The following SPNS3 variants were observed in gnomAD, a reference collection of about 807,000 sequenced individuals.
SPNS3 encodes the protein protein spinster homolog 3.
In SPNS3, 51 loss-of-function variants were observed where a neutral mutation model predicts 54.4. The ratio of observed to expected loss-of-function variants is 0.94; its 90% CI spans 0.75 to 1.18. SPNS3 has a LOEUF of 1.18. SPNS3 is among the 50% of genes most tolerant of loss of function. The pLI, the probability that SPNS3 is intolerant of heterozygous loss-of-function variation, is 0.00. For synonymous variants in SPNS3, 309 were observed against 294.7 expected (o/e 1.05, Z -0.50); for missense variants, 669 against 677.4 (o/e 0.99, Z 0.14).
chr17:4,461,535 T>C (rs1971507293), intron 8 of SPNS3, among the ~76,000 whole-genome samples: 1 of 151,860 alleles, frequency 6.6e-6, no homozygotes, highest in Non-Finnish European at 1.5e-5. Flanking sequence ...GCTACTCTGT[T>C]GAGAATAGAC....
chr17:4,436,962 G>A (rs1046749726), intron 1 of SPNS3, among the ~76,000 whole-genome samples: 4 of 152,238 alleles, frequency 2.6e-5, no homozygotes, highest in Non-Finnish European at 2.9e-5. Flanking sequence ...TCTGCCGCTA[G>A]CCCTGGAGGT....
At chr17:4,480,517 C>G (rs1972122878) in intron 9 of SPNS3, among the ~76,000 whole-genome samples, 1 of 152,256 alleles carries the variant, frequency 6.6e-6, no homozygotes, top group African/African-American at 2.4e-5. Context: ...TGGCCTGCCC[C>G]CCACGGCGCA....
At chr17:4,466,461 G>T (rs1971678404) in intron 8 of SPNS3, among the ~76,000 whole-genome samples, 2 of 147,928 alleles carry the variant, frequency 1.4e-5, no homozygotes, top group Admixed American at 1.4e-4. Flanking sequence ...AATCGCTTGA[G>T]CCCAGGAGGC....
At chr17:4,446,462 T>C in intron 4 of SPNS3, 1 of 493,922 alleles carries the variant, frequency 2.0e-6, no homozygotes. Context: ...CACTCGGCAG[T>C]GTGGCCCACC....
intron 8 of SPNS3, among the ~76,000 whole-genome samples, chr17:4,458,563 T>C (rs1971387800): frequency 9.4e-6 from 1 of 105,898 alleles, no homozygotes; most frequent in Non-Finnish European, 2.2e-5. Flanking sequence ...CTTTCTTCCT[T>C]CCCTCCTTTC....
intron 4 of SPNS3, 56 bp from the exon 5 acceptor site, chr17:4,446,840 G>T: frequency 3.2e-6 from 5 of 1,549,932 alleles, no homozygotes; most frequent in African/African-American, 1.4e-5. Flanking sequence ...TGGTGGTGGG[G>T]TCTGCCTTCC....
At chr17:4,438,253 C>T (rs1380182375) in intron 1 of SPNS3, among the ~76,000 whole-genome samples, 2 of 152,210 alleles carry the variant, frequency 1.3e-5, no homozygotes, top group Non-Finnish European at 2.9e-5. Context: ...GGACAGGCTG[C>T]CTCTGGCTGA....
chr17:4,487,844 G>A lies in SPNS3; in HGVS notation c.1489G>A (p.Glu497Lys), dbSNP rs1242781689. The A allele has an allele frequency of 6.2e-7, 1 of 1,614,046 alleles. No individual in the cohort carries two copies. The highest frequency in any genetic ancestry group is 1.3e-5 in the African/African-American group (1 of 74,958). Residue 497 changes from glutamate (E) to lysine (K), a missense_variant, in exon 12 of 12, where the codon GAG becomes AAG. By Grantham distance (56) the Glu-to-Lys change is moderately conservative (BLOSUM62 1). Transcript: ENST00000355530. ...DSNDVDSNDL[E>K]RQGLLSGAGA... ...CAATGATGTGGACAGCAACGACCTG[G>A]AGAGACAAGGCCTACTTTCGGGCGC...
chr17:4,473,899 T>C (rs1324744873), intron 8 of SPNS3, among the ~76,000 whole-genome samples: 2 of 152,038 alleles, frequency 1.3e-5, no homozygotes, highest in South Asian at 2.1e-4. Flanking sequence ...ACCTGGGCTA[T>C]GTGAGCTCCC....
intron 2 of SPNS3, among the ~76,000 whole-genome samples, chr17:4,441,603 CT>C (rs2144001189): frequency 6.6e-6 from 1 of 151,548 alleles, no homozygotes. Context: ...TTTTTTTTTC[CT>C]TTTTTTCTTG....
At chr17:4,472,898 C>T (rs73323839) in intron 8 of SPNS3, among the ~76,000 whole-genome samples, 2 of 148,948 alleles carry the variant, frequency 1.3e-5, no homozygotes, top group African/African-American at 5.0e-5. Flanking sequence ...AAGGGATCCT[C>T]CCCCTTCAGC....
chr17:4,457,290 G>A (rs1412454666), intron 8 of SPNS3, among the ~76,000 whole-genome samples: 1 of 152,210 alleles, frequency 6.6e-6, no homozygotes, highest in Non-Finnish European at 1.5e-5. Context: ...TACTGGGGAG[G>A]CTGAGGCTGG....
chr17:4,475,632 C>A (rs765324023), intron 8 of SPNS3, among the ~76,000 whole-genome samples: 23 of 152,126 alleles, frequency 1.5e-4, no homozygotes, highest in Non-Finnish European at 2.2e-4. Flanking sequence ...CTGGCTGGCT[C>A]AGCCACACTG....
In SPNS3 at chr17:4,445,066, G is replaced by A. The variant is rs1445328533; in HGVS notation, c.300G>A (p.Val100=). Residue 100 remains valine (V), a synonymous_variant, in exon 3 of 12, where the codon GTG becomes GTA. Transcript: ENST00000355530. ...FVSCLLLSAP[V]FGYLGDRHSR... ...GCTGCCTGCTGCTGTCTGCACCTGT[G>A]TTTGGCTACCTGGGCGACCGACATA... is the stretch of plus-strand genomic sequence containing the variant. 1.2e-6 allele frequency: 2 copies of A among 1,614,152 alleles called. No individual in the cohort carries two copies. Among genetic ancestry groups the A allele is most frequent in the Admixed American group, 1.7e-5 (1 of 60,014 alleles).
At chr17:4,468,240 A>G (rs1378430728) in intron 8 of SPNS3, among the ~76,000 whole-genome samples, 1 of 152,196 alleles carries the variant, frequency 6.6e-6, no homozygotes, top group Admixed American at 6.6e-5. Context: ...TAAGCTCAGG[A>G]GTTTGAGACC....
chr17:4,448,431 C>T, intron 6 of SPNS3, 128 bp downstream of exon 6: 2 of 915,074 alleles, frequency 2.2e-6, no homozygotes, highest in Non-Finnish European at 3.1e-6. Context: ...CCCTCCTCTT[C>T]CTCTGAGATC....
At chr17:4,438,411 C>T (rs1207803841) in intron 1 of SPNS3, among the ~76,000 whole-genome samples, 7 of 152,216 alleles carry the variant, frequency 4.6e-5, no homozygotes, top group Admixed American at 2.0e-4. Flanking sequence ...GGCTGTCAGT[C>T]ACCTCCTGAC....
At chr17:4,447,112 G>C (rs2047231) in intron 5 of SPNS3, 150 bp downstream of exon 5, 630,281 of 773,998 alleles carry the variant, frequency 0.81, 265,230 homozygotes, top group Non-Finnish European at 0.86. Flanking sequence ...TTGGACATGT[G>C]GGGCCTCATA....
At chr17:4,436,304 G>A (rs955649577) in intron 1 of SPNS3, among the ~76,000 whole-genome samples, 2 of 152,216 alleles carry the variant, frequency 1.3e-5, no homozygotes, top group Non-Finnish European at 2.9e-5. Flanking sequence ...TGAAACTCTA[G>A]GGGCTGCAGA....
Sources: gnomAD v4.1 joint callset for allele counts (sites outside exome capture counted in the v4.1 genomes callset) on GRCh38, gnomAD v4.1.1 for gene constraint, MANE v1.5 for transcripts, NCBI Gene and HGNC (gene_info 2026-07-23, HGNC 2026-07-21) for gene names.